The following LTBP2 variants were observed in gnomAD, a reference collection of about 807,000 sequenced individuals.
The protein encoded by LTBP2 is latent transforming growth factor beta binding protein 2, also known as latent-transforming growth factor beta-binding protein 2.
Under a neutral mutation model 210.6 loss-of-function variants are expected in LTBP2, and 103 were observed. The observed-to-expected ratio is 0.49, with a 90% confidence interval of 0.42 to 0.58. LTBP2 has a LOEUF of 0.58. Ranked by LOEUF, LTBP2 falls within the 20% of genes least tolerant of loss-of-function variation. The probability of loss-of-function intolerance (pLI) is 0.00; values close to 1 mark genes in which losing one functional copy is unlikely to be tolerated. For missense variants in LTBP2, 2,313 were observed against 2,494.5 expected, an observed-to-expected ratio of 0.93 and a Z score of 1.55; for synonymous variants, 1,007 against 1,015.0, an observed-to-expected ratio of 0.99 and a Z score of 0.15.
chr14:74,504,010 C>T lies in LTBP2; in HGVS notation c.4498G>A (p.Gly1500Ser), dbSNP rs1426458768. Reference protein sequence around the residue: ...VIFGPGLCPNGRCLNTVPGYV... With the variant: ...VIFGPGLCPNSRCLNTVPGYV... The stretch of plus-strand genomic sequence containing the variant: ...CCAGGCACGGTGTTGAGGCACCGGC[C>T]GTTCGGGCAGAGACCAGGCCCGAAT... Residue 1500 changes from glycine to serine, a missense_variant, in exon 31 of 36, where the codon GGC (glycine) becomes AGC (serine). Gly to Ser is a moderately conservative substitution (Grantham distance 56). Transcript: ENST00000261978. 5.6e-6 allele frequency: 9 copies of T among 1,614,082 alleles called. No homozygotes were observed. The highest frequency in any genetic ancestry group is 1.1e-5 in the South Asian group (1 of 91,078).
At chr14:74,534,557 G>A (rs534544677) in intron 9 of LTBP2, among the ~76,000 whole-genome samples, 10 of 152,268 alleles carry the variant, frequency 6.6e-5, no homozygotes, top group Admixed American at 1.3e-4. Context: ...CCCACCATGG[G>A]ATCCTGTAGC....
intron 1 of LTBP2, among the ~76,000 whole-genome samples, chr14:74,604,539 T>C (rs2088496936): frequency 6.6e-6 from 1 of 151,672 alleles, no homozygotes; most frequent in Non-Finnish European, 1.5e-5. Flanking sequence ...AATAGAGTTC[T>C]TCCATCAACT....
At chr14:74,607,821 G>A (rs926900196) in intron 1 of LTBP2, among the ~76,000 whole-genome samples, 3 of 152,060 alleles carry the variant, frequency 2.0e-5, no homozygotes, top group African/African-American at 7.2e-5. Context: ...TTAACTCTGG[G>A]GAGGGAAGGA....
chr14:74,551,531 G>C (rs959915183), intron 6 of LTBP2, among the ~76,000 whole-genome samples, 181 bp from the exon 7 acceptor site: 2 of 152,230 alleles, frequency 1.3e-5, no homozygotes, highest in African/African-American at 4.8e-5. Context: ...GTGGGGACGG[G>C]ATGAAGTGCA....
chr14:74,582,508 T>C (rs1370272010), intron 3 of LTBP2, among the ~76,000 whole-genome samples: 1 of 151,870 alleles, frequency 6.6e-6, no homozygotes, highest in Non-Finnish European at 1.5e-5. Flanking sequence ...ATCCTGCCCA[T>C]TGACAGCTAT....
chr14:74,597,608 C>T (rs995564561), intron 2 of LTBP2, among the ~76,000 whole-genome samples: 8 of 152,236 alleles, frequency 5.3e-5, no homozygotes, highest in Non-Finnish European at 8.8e-5. Flanking sequence ...AGGACATCTC[C>T]TAATCACCTC....
At chr14:74,607,100 A>C (rs79753243) in intron 1 of LTBP2, among the ~76,000 whole-genome samples, 1 of 152,250 alleles carries the variant, frequency 6.6e-6, no homozygotes, top group Non-Finnish European at 1.5e-5. Context: ...GGGATGAGCC[A>C]CTGAGGGTAG....
At position 74,611,725 on chromosome 14, in the gene LTBP2, C is replaced by G. The variant is rs79886273; in HGVS notation, c.220G>C (p.Glu74Gln). ...AAGCCCGCGACAGGCGCGTCCTGCT[C>G]CCGGAACAGACTGTACACCTTGGCT... ...AAAKVYSLFR[E>Q]QDAPVAGLQP... The change falls in exon 1 of 36, where the codon GAG becomes CAG. Residue 74 changes from glutamate to glutamine, a missense_variant. This residue lies in a region of LTBP2 where 1,867 missense variants were observed against 1,976.9 expected (regional missense o/e 0.94). Transcript: ENST00000261978. 770 of 1,599,694 alleles carry G rather than the reference C, an allele frequency of 4.8e-4. No individual in the cohort carries two copies. The highest frequency in any genetic ancestry group is 5.8e-4 in the Non-Finnish European group (687 of 1,177,708).
rs1566609635 is a variant in LTBP2, at chr14:74,499,468, A to T, written c.*1416T>A. 4.4e-6 allele frequency: 1 copy of T among 228,070 alleles called. No homozygotes were observed. Among genetic ancestry groups the T allele is most frequent in the East Asian group, 6.3e-5 (1 of 15,954 alleles). 14.1% of individuals were successfully genotyped at this position (228,070 alleles called of 1,614,324 possible). ...CATTCAATAAGTTATGTGATGGCTA[A>T]CAATCAGAGGAGCAGGTAGGACAGG... On this transcript the variant is annotated 3_prime_UTR_variant, in exon 36 of 36. Coordinates refer to ENST00000261978, the MANE Select transcript of LTBP2 (RefSeq NM_000428.3).
rs1595258090 is a variant in LTBP2 at position 74,532,563 on chromosome 14, G to A, written c.1865-15C>T. 6.2e-7 allele frequency: 1 copy of A among 1,613,838 alleles called. No homozygotes were observed. Among genetic ancestry groups the A allele is most frequent in the Non-Finnish European group, 8.5e-7 (1 of 1,179,892 alleles). Reference sequence around the variant, plus strand: ...CTCGTTGATATCTGCAGGGTTGGAGGAGATGACCAAGTGCCCGCCCCACGG... The same window carrying A: ...CTCGTTGATATCTGCAGGGTTGGAGAAGATGACCAAGTGCCCGCCCCACGG... On this transcript the variant is annotated splice_polypyrimidine_tract_variant and intron_variant, in intron 9 of 35. Transcript: ENST00000261978.
rs1208889309 is a variant in LTBP2 at position 74,528,606 on chromosome 14, G to A, written c.2245C>T (p.Leu749=). ...CCTTGCTCCCTTGGGGGCCTTGCCA[G>A]TTCCTCCTCCTCGGCTTTCCTCATG... is the stretch of plus-strand genomic sequence containing the variant. The part of the protein sequence containing the change: ...LSMRKAEEEE[L]ARPPREQGQR... Residue 749 remains leucine, a synonymous_variant, in exon 12 of 36, where the codon CTG becomes TTG. Transcript: ENST00000261978. The A allele has an allele frequency of 6.2e-7, 1 of 1,613,508 alleles. No individual in the cohort carries two copies. The highest frequency in any genetic ancestry group is 8.5e-7 in the Non-Finnish European group (1 of 1,180,058).
intron 4 of LTBP2, among the ~76,000 whole-genome samples, chr14:74,553,995 G>A (rs946292655): frequency 3.4e-5 from 5 of 145,722 alleles, no homozygotes; most frequent in African/African-American, 1.0e-4. Context: ...AATTGTACAC[G>A]TTGAGGGGAA....
In LTBP2 at chr14:74,500,371, T is replaced by G; in HGVS notation, c.*513A>C. ...CAGGGCCCAGAACAGATTGGCTGAGTGGTGGTGATGGTTCTTAGGAGGGGG... is the reference window on the plus strand; with the variant it reads ...CAGGGCCCAGAACAGATTGGCTGAGGGGTGGTGATGGTTCTTAGGAGGGGG... On this transcript the variant is annotated 3_prime_UTR_variant, in exon 36 of 36. Transcript: ENST00000261978. The G allele has an allele frequency of 3.2e-6, 1 of 315,696 alleles. No individual in the cohort carries two copies. The highest frequency in any genetic ancestry group is 6.0e-6 in the Non-Finnish European group (1 of 166,982). The allele number at this position is 315,696 out of a possible 1,614,324, so 19.6% of individuals were successfully genotyped here.
intron 3 of LTBP2, among the ~76,000 whole-genome samples, chr14:74,575,615 C>T (rs948664758): frequency 6.6e-6 from 1 of 152,228 alleles, no homozygotes; most frequent in Admixed American, 6.5e-5. Context: ...CATCTGGCCA[C>T]TCCAAATAGT....
In LTBP2 at chr14:74,567,390, A is replaced by T. The variant is rs530401169; in HGVS notation, c.831-11697T>A. On this transcript the variant is annotated intron_variant, in intron 3 of 35. Coordinates refer to ENST00000261978, the MANE Select transcript of LTBP2 (RefSeq NM_000428.3). The stretch of plus-strand genomic sequence containing the variant: ...GGCCTTTGTTCCCTCCTGGCAGGGT[A>T]AGAGAGCCAGGCAAGAGAGCCAGAG... Among the ~76,000 whole-genome samples, 4 of 152,252 alleles carry T rather than the reference A, an allele frequency of 2.6e-5. No homozygotes were observed. The South Asian group carries it at 8.3e-4, about 32-fold the overall frequency.
At chr14:74,551,708 AT>A (rs2087659207) in intron 6 of LTBP2, among the ~76,000 whole-genome samples, 1 of 151,734 alleles carries the variant, frequency 6.6e-6, no homozygotes, top group African/African-American at 2.4e-5. Context: ...GATGCTACCC[AT>A]TGTTTCAGGC....
intron 3 of LTBP2, among the ~76,000 whole-genome samples, chr14:74,566,273 A>G (rs565473346): frequency 7.9e-5 from 12 of 152,322 alleles, no homozygotes; most frequent in African/African-American, 2.9e-4. Flanking sequence ...CCTAGGGAAC[A>G]CCAACGCTTA....
Position 74,530,297 on chromosome 14 carries a change from T to C in LTBP2, c.1988-1175A>G, listed in dbSNP as rs1271954550. On this transcript the variant is annotated intron_variant, in intron 10 of 35. Transcript: ENST00000261978. ...CAAGGAGGCCCAATGATAATCAGCT[T>C]TGAGACTATTATTCCTGGGTTATTG... 3.9e-5 allele frequency among the ~76,000 whole-genome samples: 6 copies of C among 152,342 alleles called. No individual in the cohort carries two copies. The East Asian group carries it at 1.2e-3, about 29-fold the overall frequency.
chr14:74,533,658 C>T (rs140284785), intron 9 of LTBP2, among the ~76,000 whole-genome samples: 1,741 of 152,270 alleles, frequency 0.011, 43 homozygotes, highest in African/African-American at 0.04. Context: ...TCCTGAACGC[C>T]CTTCCTTGTG....
Sources: gnomAD v4.1 joint callset for allele counts (sites outside exome capture counted in the v4.1 genomes callset) on GRCh38, gnomAD v4.1.1 for gene constraint, gnomAD v4.1.1 regional missense constraint, MANE v1.5 for transcripts, NCBI Gene and HGNC (gene_info 2026-07-23, HGNC 2026-07-21) for gene names.